Variants in SATL1 observed in about 807,000 individuals in gnomAD.
The protein encoded by SATL1 is spermidine/spermine N(1)-acetyltransferase-like protein 1.
A neutral mutation model predicts 51.8 loss-of-function variants in SATL1; 47 were observed. The ratio of observed to expected loss-of-function variants is 0.91; its 90% CI spans 0.72 to 1.16. The LOEUF (loss-of-function observed/expected upper bound fraction) is 1.16. Ranked by LOEUF, SATL1 falls within the 50% of genes most tolerant of loss-of-function variation. The pLI is 0.00. For synonymous variants in SATL1, 176 were observed against 182.4 expected, an observed-to-expected ratio of 0.97 and a Z score of 0.28; for missense variants, 520 against 526.4, an observed-to-expected ratio of 0.99 and a Z score of 0.12.
At chrX:85,196,720 G>A (rs1383762700) in intron 2 of SATL1, among the ~76,000 whole-genome samples, 2 of 111,108 alleles carry the variant, frequency 1.8e-5, no homozygotes, top group Non-Finnish European at 3.8e-5. Context: ...TTTTACAAGG[G>A]TGCCAATAAA....
rs193142908 is a variant in SATL1, at chrX:85,229,995, C to T, written c.-434-5669G>A. On this transcript the variant is annotated intron_variant, in intron 1 of 7. Transcript: ENST00000644105. Reference sequence around the variant, plus strand: ...ACTTAATATTGTTAAAATGTTCATACTACCCAAAGAGATCTATGGATTCAA... The same window carrying T: ...ACTTAATATTGTTAAAATGTTCATATTACCCAAAGAGATCTATGGATTCAA... 7.2e-5 allele frequency among the ~76,000 whole-genome samples: 8 copies of T among 111,493 alleles called. No homozygotes were observed. The East Asian group carries it at 2.3e-3, about 31-fold the overall frequency.
At chrX:85,240,759 A>C (rs931624901) in intron 1 of SATL1, among the ~76,000 whole-genome samples, 2 of 106,425 alleles carry the variant, frequency 1.9e-5, no homozygotes, top group African/African-American at 6.8e-5. Context: ...CAAAGTTACT[A>C]TTATTGTTTG....
chrX:85,112,350 T>C (rs766101739), intron 2 of SATL1, among the ~76,000 whole-genome samples: 1 of 109,217 alleles, frequency 9.2e-6, no homozygotes, highest in East Asian at 2.9e-4. Flanking sequence ...AGACTCTGTC[T>C]CAAAAAAACA....
At chrX:85,181,203 ACACAT>A (rs1927195559) in intron 2 of SATL1, among the ~76,000 whole-genome samples, 3 of 69,145 alleles carry the variant, frequency 4.3e-5, no homozygotes, top group Admixed American at 4.2e-4. Flanking sequence ...ATATATATAT[ACACAT>A]ATATATATAT....
chrX:85,112,461 A>C (rs1315542702), intron 2 of SATL1, among the ~76,000 whole-genome samples: 1 of 111,442 alleles, frequency 9.0e-6, no homozygotes, highest in Non-Finnish European at 1.9e-5. Context: ...ACTTAGGTCT[A>C]TATATGTTGA....
intron 2 of SATL1, among the ~76,000 whole-genome samples, chrX:85,192,732 A>G (rs761624911): frequency 3.6e-5 from 4 of 111,527 alleles, no homozygotes; most frequent in African/African-American, 1.3e-4. Context: ...CATATTCCGC[A>G]TTAGTTTTTG....
chrX:85,176,071 GAAGTA>G (rs1224163192), intron 2 of SATL1, among the ~76,000 whole-genome samples: 1 of 111,448 alleles, frequency 9.0e-6, no homozygotes, highest in Non-Finnish European at 1.9e-5. Flanking sequence ...TCAAAATCTT[GAAGTA>G]AAGGATCAAC....
intron 2 of SATL1, among the ~76,000 whole-genome samples, chrX:85,116,908 G>A (rs1287231824): frequency 5.4e-5 from 6 of 111,516 alleles, no homozygotes. Context: ...TTGGGCATGT[G>A]GGCTCAAGCA....
intron 2 of SATL1, among the ~76,000 whole-genome samples, chrX:85,137,061 A>T (rs958375201): frequency 9.0e-6 from 1 of 111,593 alleles, no homozygotes; most frequent in Non-Finnish European, 1.9e-5. Flanking sequence ...ATCGATGGAA[A>T]AGGAACCACA....
intron 2 of SATL1, among the ~76,000 whole-genome samples, chrX:85,129,285 A>T (rs1375991535): frequency 8.9e-6 from 1 of 111,850 alleles, no homozygotes; most frequent in Non-Finnish European, 1.9e-5. Flanking sequence ...ATGAGCATGG[A>T]ATGTTCTTCC....
intron 2 of SATL1, among the ~76,000 whole-genome samples, chrX:85,131,538 G>T (rs1176593751): frequency 3.7e-5 from 4 of 109,517 alleles, no homozygotes; most frequent in African/African-American, 1.0e-4. Context: ...GAGCCTATGT[G>T]TGTCTCTGCA....
chrX:85,198,762 C>T (rs1927628795), intron 2 of SATL1, among the ~76,000 whole-genome samples: 1 of 110,879 alleles, frequency 9.0e-6, no homozygotes, highest in Admixed American at 9.7e-5. Context: ...CAATAATACT[C>T]TTTTAGTTAT....
In SATL1 at chrX:85,094,041, G is replaced by T. The variant is rs139568808; in HGVS notation, c.1876+87C>A. 92 of 482,337 alleles carry T rather than the reference G, an allele frequency of 1.9e-4. No individual in the cohort carries two copies. In the East Asian group the frequency reaches 3.5e-3, roughly 18 times the overall value. 39.7% of individuals were successfully genotyped at this position (482,337 alleles called of 1,213,427 possible). On this transcript the variant is annotated intron_variant, in intron 6 of 7. Coordinates refer to ENST00000644105, the MANE Select transcript of SATL1 (RefSeq NM_001367857.2). Reference sequence around the variant, plus strand: ...AATAAGTTACATTAACTAAAACACCGTATGTATAGTAAAGCCCTATCTCCT... The same window carrying T: ...AATAAGTTACATTAACTAAAACACCTTATGTATAGTAAAGCCCTATCTCCT...
chrX:85,108,833 G>T lies in SATL1; in HGVS notation c.136C>A (p.Gln46Lys), dbSNP rs778114316. 1 of 1,210,021 alleles carries T rather than the reference G, an allele frequency of 8.3e-7. No homozygotes were observed. Among genetic ancestry groups the T allele is most frequent in the South Asian group, 1.8e-5 (1 of 56,843 alleles). ...ATGCTTGGTTGTTTCATGTCCACTT[G>T]GTTCATTTCATATAGGCTTGCACTC... ...QGSASLYEMN[Q>K]VDMKQPSMSQ... The change falls in exon 3 of 8, where the codon CAA becomes AAA. Residue 46 changes from glutamine (Q) to lysine (K), a missense_variant. This residue lies in a region of SATL1 where 10 missense variants were observed against 28.3 expected (regional missense o/e 0.35). Transcript: ENST00000644105.
At chrX:85,150,430 A>T (rs1347387908) in intron 2 of SATL1, among the ~76,000 whole-genome samples, 2 of 109,232 alleles carry the variant, frequency 1.8e-5, no homozygotes, top group African/African-American at 6.7e-5. Flanking sequence ...ATTCCAATCA[A>T]TAGAAAAAGA....
intron 2 of SATL1, among the ~76,000 whole-genome samples, chrX:85,164,537 T>C (rs1260169130): frequency 1.8e-5 from 2 of 110,829 alleles, no homozygotes; most frequent in Non-Finnish European, 3.8e-5. Context: ...TTGATAATTA[T>C]TTTATTTAAG....
chrX:85,130,880 AT>A (rs1241665993), intron 2 of SATL1, among the ~76,000 whole-genome samples: 1 of 111,473 alleles, frequency 9.0e-6, no homozygotes, highest in African/African-American at 3.3e-5. Context: ...GAACATCTTT[AT>A]TTCTGCCTTC....
intron 2 of SATL1, among the ~76,000 whole-genome samples, chrX:85,217,870 T>A (rs1299058075): frequency 8.9e-6 from 1 of 111,979 alleles, no homozygotes; most frequent in Non-Finnish European, 1.9e-5. Context: ...TCAGAGGCAG[T>A]GCCTGCCACA....
chrX:85,207,291 T>C (rs1435049277), intron 2 of SATL1: 6 of 111,382 alleles, frequency 5.4e-5, no homozygotes, highest in Admixed American at 4.8e-4. Context: ...TCTGTAACAA[T>C]TGGAAAAACT....
Sources: gnomAD v4.1 joint callset for allele counts (sites outside exome capture counted in the v4.1 genomes callset) on GRCh38, gnomAD v4.1.1 for gene constraint, gnomAD v4.1.1 regional missense constraint, MANE v1.5 for transcripts, NCBI Gene and HGNC (gene_info 2026-07-23, HGNC 2026-07-21) for gene names.